Variants in ZNF723 observed in about 807,000 individuals in gnomAD.
ZNF723 encodes the protein zinc finger protein 723, pseudogene.
ZNF723 carries 5 observed loss-of-function variants against 9.4 expected under a neutral mutation model. The observed-to-expected ratio is 0.53, with a 90% CI of 0.28 to 1.12. ZNF723 has a LOEUF of 1.12. Among genes scored for constraint, ZNF723 ranks in the 50% most tolerant of loss-of-function variants. The probability of loss-of-function intolerance (pLI) is 0.10; values close to 1 mark genes in which losing one functional copy is unlikely to be tolerated. For synonymous variants in ZNF723, 158 were observed against 168.8 expected (o/e 0.94, Z 0.49); for missense variants, 450 against 501.5 (o/e 0.90, Z 0.98).
At chr19:22,849,037 G>A (rs530499998) in intron 2 of ZNF723, among the ~76,000 whole-genome samples, 161 bp from the exon 3 acceptor site, 22 of 152,216 alleles carry the variant, frequency 1.4e-4, no homozygotes, top group Middle Eastern at 3.4e-3. Context: ...TTACAGGCAT[G>A]AGTCACCGCA....
At chr19:22,833,833 T>A (rs1034501074) in intron 1 of ZNF723, among the ~76,000 whole-genome samples, 2 of 150,962 alleles carry the variant, frequency 1.3e-5, no homozygotes, top group Non-Finnish European at 3.0e-5. Flanking sequence ...CTTGAACTCC[T>A]GACCTCAGGT....
chr19:22,851,464 G>GC (rs1967394683), intron 3 of ZNF723, among the ~76,000 whole-genome samples: 1 of 151,892 alleles, frequency 6.6e-6, no homozygotes, highest in Non-Finnish European at 1.5e-5. Flanking sequence ...GAGGCACCGC[G>GC]CCCAGCCTAT....
At chr19:22,826,107 C>T in the ZNF723 span, among the ~76,000 whole-genome samples, 1,282 of 152,204 alleles carry the variant, frequency 8.4e-3, 19 homozygotes, top group African/African-American at 0.029. Flanking sequence ...GCTGAGCATC[C>T]AGGTAATCTG....
chr19:22,831,848 C>T (rs1162301411), upstream of ZNF723, among the ~76,000 whole-genome samples: 2 of 151,790 alleles, frequency 1.3e-5, no homozygotes, highest in East Asian at 1.9e-4. Context: ...GCAGAGGTTG[C>T]AGTGAGCCGA....
At chr19:22,850,248 C>T (rs1035236620) in intron 3 of ZNF723, among the ~76,000 whole-genome samples, 1 of 152,108 alleles carries the variant, frequency 6.6e-6, no homozygotes, top group African/African-American at 2.4e-5. Context: ...CTCTTGTTGC[C>T]CAGGCTGGAG....
upstream of ZNF723, among the ~76,000 whole-genome samples, chr19:22,828,523 C>T (rs1259903272): frequency 6.6e-5 from 10 of 151,984 alleles, no homozygotes; most frequent in Non-Finnish European, 1.3e-4. Context: ...TTTGGTGGCG[C>T]GTGCCTGTAA....
rs1204723246 is a variant in ZNF723, at chr19:22,857,308, T to C, written c.417T>C (p.Thr139=). 4.8e-5 allele frequency: 39 copies of C among 817,784 alleles called. No homozygotes were observed. Among genetic ancestry groups the C allele is most frequent in the Non-Finnish European group, 6.6e-6 (3 of 455,944 alleles). The allele number at this position is 817,784 out of a possible 1,614,324, so 50.7% of individuals were successfully genotyped here. Residue 139 remains threonine, a synonymous_variant, in exon 4 of 4, where the codon ACT becomes ACC. Coordinates refer to ENST00000600766, the MANE Select transcript of ZNF723 (RefSeq NM_001349726.2). ...GYDELKQCLT[T]TPSKIFQCDK... ...ATGAACTTAAGCAATGTTTGACAAC[T>C]ACCCCGAGCAAAATATTTCAATGTG...
rs73924710 is a variant in ZNF723, at chr19:22,845,373, G to A, written c.4-2888G>A. 8.2e-3 allele frequency among the ~76,000 whole-genome samples: 1,241 copies of A among 152,192 alleles called. 19 individuals carry two copies. The highest frequency in any genetic ancestry group is 0.029 in the African/African-American group (1,192 of 41,514). On this transcript the variant is annotated intron_variant, in intron 1 of 3. Transcript: ENST00000600766. Reference sequence around the variant, plus strand: ...CCAATTCACAGAAATATCTTTGCTCGTGCCCTTTCCACGGGTTCTTTTTAT... The same window carrying A: ...CCAATTCACAGAAATATCTTTGCTCATGCCCTTTCCACGGGTTCTTTTTAT...
At chr19:22,822,110 C>CA in the ZNF723 span, among the ~76,000 whole-genome samples, 1 of 151,742 alleles carries the variant, frequency 6.6e-6, no homozygotes, top group Non-Finnish European at 1.5e-5. Flanking sequence ...GACTCCATCT[C>CA]AAAAAAAATT....
chr19:22,834,843 C>A (rs1372400977), intron 1 of ZNF723, among the ~76,000 whole-genome samples: 1 of 152,000 alleles, frequency 6.6e-6, no homozygotes, highest in Non-Finnish European at 1.5e-5. Flanking sequence ...AAAATAGTAT[C>A]CCCAAAGACA....
At chr19:22,831,764 C>G (rs558567228), upstream of ZNF723, among the ~76,000 whole-genome samples, 1 of 151,120 alleles carries the variant, frequency 6.6e-6, no homozygotes, top group Non-Finnish European at 1.5e-5. Context: ...AAAAATTAGC[C>G]GGGCATGGTG....
the ZNF723 span, among the ~76,000 whole-genome samples, chr19:22,826,852 T>G: frequency 6.6e-6 from 1 of 152,232 alleles, no homozygotes; most frequent in South Asian, 2.1e-4. Context: ...TAAAAAAACT[T>G]TCACCTTGAT....
Position 22,848,319 on chromosome 19 carries a change from TG to T in ZNF723, c.64del (p.Asp22ThrfsTer11). ...IKFSLEEWQF[L>X]DTAQQNLYRD... Reference sequence around the variant, plus strand: ...TTTTCTCTGGAGGAGTGGCAATTCCTGGACACTGCACAGCAGAATTTATATA... The same window carrying T: ...TTTTCTCTGGAGGAGTGGCAATTCCTGACACTGCACAGCAGAATTTATATA... On this transcript the variant is annotated frameshift_variant, in exon 2 of 4. Coordinates refer to ENST00000600766, the MANE Select transcript of ZNF723 (RefSeq NM_001349726.2). LOFTEE classifies it high-confidence loss of function. 1 of 1,417,118 alleles carries T rather than the reference TG, an allele frequency of 7.1e-7. No individual in the cohort carries two copies. The highest frequency in any genetic ancestry group is 1.2e-5 in the South Asian group (1 of 82,474). 87.8% of individuals were successfully genotyped at this position (1,417,118 alleles called of 1,614,324 possible). A position where few individuals can be genotyped will look rare whatever the true frequency, so the allele number is the denominator to read the frequency against.
chr19:22,821,499 C>A, the ZNF723 span, among the ~76,000 whole-genome samples: 1 of 152,090 alleles, frequency 6.6e-6, no homozygotes, highest in Non-Finnish European at 1.5e-5. Context: ...CCTGCCTGAA[C>A]CCTGCCCACA....
intron 1 of ZNF723, among the ~76,000 whole-genome samples, chr19:22,837,407 C>T (rs1328975141): frequency 6.6e-6 from 1 of 152,018 alleles, no homozygotes; most frequent in Admixed American, 6.6e-5. Flanking sequence ...AGCCCTGAAC[C>T]AAGGTCTGTG....
intron 1 of ZNF723, among the ~76,000 whole-genome samples, chr19:22,846,728 A>G (rs890009465): frequency 3.3e-5 from 5 of 152,070 alleles, no homozygotes; most frequent in African/African-American, 1.2e-4. Context: ...TCACTACTAA[A>G]AATTACAGAA....
At chr19:22,818,298 C>G in the ZNF723 span, among the ~76,000 whole-genome samples, 1 of 152,150 alleles carries the variant, frequency 6.6e-6, no homozygotes, top group Non-Finnish European at 1.5e-5. Context: ...TATTCACACA[C>G]AGATGACACT....
the ZNF723 span, among the ~76,000 whole-genome samples, chr19:22,821,701 C>CT: frequency 1.3e-5 from 2 of 152,176 alleles, no homozygotes; most frequent in Non-Finnish European, 2.9e-5. Flanking sequence ...TATAGTCAAG[C>CT]TTATATGGGA....
At chr19:22,849,429 AT>A (rs1967362528) in intron 3 of ZNF723, 136 bp downstream of exon 3, 1 of 432,776 alleles carries the variant, frequency 2.3e-6, no homozygotes, top group East Asian at 3.4e-5. Flanking sequence ...AGTTTAAAAA[AT>A]TTTACTCTCA....
Sources: allele counts gnomAD v4.1 joint callset (sites outside exome capture counted in the v4.1 genomes callset), GRCh38; gene constraint gnomAD v4.1.1; transcripts MANE v1.5; gene names NCBI Gene and HGNC (gene_info 2026-07-23, HGNC 2026-07-21).